SEC22A: variants seen among roughly 807,000 people sequenced by gnomAD.
The protein encoded by SEC22A is SEC22 homolog A, vesicle trafficking protein.
A neutral mutation model predicts 35.3 loss-of-function variants in SEC22A; 22 were observed. The observed-to-expected ratio is 0.62, with a 90% confidence interval of 0.45 to 0.89. The LOEUF is 0.89. Ranked by LOEUF, SEC22A falls within the 40% of genes least tolerant of loss-of-function variation. The pLI, the probability that SEC22A is intolerant of heterozygous loss-of-function variation, is 0.00. For missense variants in SEC22A, 354 were observed against 362.5 expected (o/e 0.98, Z 0.19); for synonymous variants, 119 against 129.5 (o/e 0.92, Z 0.55).
In SEC22A at chr3:123,225,202, C is replaced by T. The variant is rs1410593842; in HGVS notation, c.446C>T (p.Pro149Leu). ...ATGCAGACGGAAATCAAGCTGAGGC[C>T]TCCTTATCAAATTTCCATGTGCGAA... ...SDMQTEIKLRPPYQISMCELG... is the reference protein window; with the variant it reads ...SDMQTEIKLRLPYQISMCELG... Residue 149 changes from proline (P) to leucine (L), a missense_variant, in exon 4 of 7, where the codon CCT (proline) becomes CTT (leucine). Pro to Leu is a moderately conservative substitution (Grantham distance 98, BLOSUM62 -3). Transcript: ENST00000492595. 1 of 1,613,316 alleles carries T rather than the reference C, an allele frequency of 6.2e-7. No homozygotes were observed. Among genetic ancestry groups the T allele is most frequent in the Non-Finnish European group, 8.5e-7 (1 of 1,179,438 alleles).
In SEC22A at chr3:123,203,056, T is replaced by C. The variant is rs1261063003; in HGVS notation, c.-20+1070T>C. Among the ~76,000 whole-genome samples, 3 of 73,408 alleles carry C rather than the reference T, an allele frequency of 4.1e-5. 1 individual carries two copies. Among genetic ancestry groups the C allele is most frequent in the African/African-American group, 1.1e-4 (2 of 18,622 alleles). 48.2% of individuals were successfully genotyped at this position (73,408 alleles called of 152,430 possible). On this transcript the variant is annotated intron_variant, in intron 1 of 6. Coordinates refer to ENST00000492595, the MANE Select transcript of SEC22A (RefSeq NM_012430.5). ...AACCATCACATCTGTTTAGTGCCTTTTTTTTTTTTTTTTTTTTTTTTTTTT... is the reference window on the plus strand; with the variant it reads ...AACCATCACATCTGTTTAGTGCCTTCTTTTTTTTTTTTTTTTTTTTTTTTT...
chr3:123,269,799 AT>A (rs1323031557), intron 6 of SEC22A, among the ~76,000 whole-genome samples: 3 of 151,472 alleles, frequency 2.0e-5, no homozygotes, highest in Non-Finnish European at 4.4e-5. Flanking sequence ...CACCCGACTA[AT>A]TTTTTGTATT....
At chr3:123,253,449 C>G (rs1216780403) in intron 5 of SEC22A, among the ~76,000 whole-genome samples, 2 of 151,930 alleles carry the variant, frequency 1.3e-5, no homozygotes, top group Non-Finnish European at 2.9e-5. Flanking sequence ...CACGGTGGCT[C>G]ACGCTTGTAA....
At chr3:123,247,671 T>TA (rs1317467890) in intron 5 of SEC22A, among the ~76,000 whole-genome samples, 1 of 152,218 alleles carries the variant, frequency 6.6e-6, no homozygotes, top group Non-Finnish European at 1.5e-5. Flanking sequence ...TTGCAGTTGA[T>TA]AGAGTTTTAG....
intron 2 of SEC22A, among the ~76,000 whole-genome samples, chr3:123,218,304 G>A (rs1184177663): frequency 6.6e-6 from 1 of 152,064 alleles, no homozygotes; most frequent in Non-Finnish European, 1.5e-5. Flanking sequence ...TCAGGTAAAA[G>A]AAAAGCAGTA....
rs552113213 is a variant in SEC22A, at chr3:123,211,565, C to G, written c.182+2166C>G. 3.3e-5 allele frequency among the ~76,000 whole-genome samples: 5 copies of G among 152,236 alleles called. No individual in the cohort carries two copies. The South Asian group carries it at 1.0e-3, about 32-fold the overall frequency. On this transcript the variant is annotated intron_variant, in intron 2 of 6. Coordinates refer to ENST00000492595, the MANE Select transcript of SEC22A (RefSeq NM_012430.5). Reference sequence around the variant, plus strand: ...CCTCAACCTCTTGGACTCAAGTGATCCTCCCACTTCAGCCTCTTGAGTAGC... The same window carrying G: ...CCTCAACCTCTTGGACTCAAGTGATGCTCCCACTTCAGCCTCTTGAGTAGC...
chr3:123,243,948 C>T (rs1937546888), intron 4 of SEC22A: 1 of 152,056 alleles, frequency 6.6e-6, no homozygotes, highest in African/African-American at 2.4e-5. Flanking sequence ...AAAAGCAAAA[C>T]AAAAACTGAC....
At chr3:123,229,205 T>G (rs1937269024) in intron 4 of SEC22A, among the ~76,000 whole-genome samples, 1 of 151,928 alleles carries the variant, frequency 6.6e-6, no homozygotes, top group African/African-American at 2.4e-5. Flanking sequence ...TGCTGAAAAC[T>G]AAAGACAAGG....
At chr3:123,254,550 G>T (rs1334463583) in intron 5 of SEC22A, among the ~76,000 whole-genome samples, 3 of 151,666 alleles carry the variant, frequency 2.0e-5, no homozygotes, top group South Asian at 4.2e-4. Flanking sequence ...CCAACCTCTG[G>T]CTATTCCTTC....
rs745388966 is a variant in SEC22A at position 123,225,283 on chromosome 3, G to C, written c.527G>C (p.Gly176Ala). 1.9e-6 allele frequency: 3 copies of C among 1,604,082 alleles called. No individual in the cohort carries two copies. Among genetic ancestry groups the C allele is most frequent in the Admixed American group, 1.7e-5 (1 of 59,256 alleles). ...SAFSVDCKGA[G>A]KISSAHQRLE... ...TTTTCTGTTGACTGTAAAGGTGCTG[G>C]TAAGATTTCTTCTGGTGAGTTCTGG... The change falls in exon 4 of 7, where the codon GGT (glycine) becomes GCT (alanine). Residue 176 changes from glycine to alanine, a missense_variant. Transcript: ENST00000492595.
chr3:123,214,952 C>T (rs1466620914), intron 2 of SEC22A, among the ~76,000 whole-genome samples: 1 of 152,210 alleles, frequency 6.6e-6, no homozygotes, highest in Admixed American at 6.5e-5. Context: ...CTGCTACCTC[C>T]AGCCAGGAAT....
chr3:123,202,726 G>T (rs1208589609), intron 1 of SEC22A, among the ~76,000 whole-genome samples: 1 of 152,142 alleles, frequency 6.6e-6, no homozygotes, highest in Non-Finnish European at 1.5e-5. Context: ...TGGGGCAGGG[G>T]GCGAGCTTGA....
rs149146496 is a variant in SEC22A at position 123,225,005 on chromosome 3, A to G, written c.347-98A>G. ...CATGACGAATTGAACAATTTTGAAT[A>G]ATAAACTACCTGTAATATTTACTAT... On this transcript the variant is annotated intron_variant, in intron 3 of 6. Transcript: ENST00000492595. 6.4e-6 allele frequency: 5 copies of G among 776,902 alleles called. No individual in the cohort carries two copies. The East Asian group carries it at 1.2e-4, about 19-fold the overall frequency. The allele number at this position is 776,902 out of a possible 1,614,324, so 48.1% of individuals were successfully genotyped here.
intron 5 of SEC22A, among the ~76,000 whole-genome samples, chr3:123,253,262 A>T (rs1418670468): frequency 1.3e-5 from 2 of 152,200 alleles, no homozygotes; most frequent in Non-Finnish European, 2.9e-5. Context: ...TTTAGACTAC[A>T]TAAGCCCAGG....
intron 1 of SEC22A, among the ~76,000 whole-genome samples, chr3:123,205,109 T>G (rs1936830873): frequency 6.6e-6 from 1 of 152,212 alleles, no homozygotes; most frequent in Admixed American, 6.5e-5. Flanking sequence ...GGGGTATGTT[T>G]ATTGAATTGA....
chr3:123,218,139 C>T (rs1937065682), intron 2 of SEC22A, among the ~76,000 whole-genome samples: 1 of 152,158 alleles, frequency 6.6e-6, no homozygotes, highest in Non-Finnish European at 1.5e-5. Context: ...ATAGAATTAG[C>T]TTTTTAGCAA....
intron 2 of SEC22A, among the ~76,000 whole-genome samples, chr3:123,210,524 A>T (rs1936925598): frequency 6.6e-6 from 1 of 152,212 alleles, no homozygotes; most frequent in Non-Finnish European, 1.5e-5. Context: ...CCCATTAGAC[A>T]TCCAAGGGGC....
chr3:123,236,149 C>T (rs557116857), intron 4 of SEC22A, among the ~76,000 whole-genome samples: 33 of 152,124 alleles, frequency 2.2e-4, no homozygotes, highest in Non-Finnish European at 1.9e-4. Context: ...TCTGAGTATA[C>T]GAAAAACTCC....
intron 1 of SEC22A, chr3:123,208,210 A>C (rs1936881590): frequency 6.6e-6 from 1 of 152,210 alleles, no homozygotes; most frequent in African/African-American, 2.4e-5. Flanking sequence ...CCACAAACAT[A>C]ACTTTTAGTT....
Sources: gnomAD v4.1 joint callset for allele counts (sites outside exome capture counted in the v4.1 genomes callset) on GRCh38, gnomAD v4.1.1 for gene constraint, MANE v1.5 for transcripts, NCBI Gene and HGNC (gene_info 2026-07-23, HGNC 2026-07-21) for gene names.